The following CDH20 variants were observed in gnomAD, a reference collection of about 807,000 sequenced individuals.
CDH20 encodes the protein cadherin 20.
In CDH20, 29 loss-of-function variants were observed where a neutral mutation model predicts 74.2. The ratio of observed to expected loss-of-function variants is 0.39; its 90% confidence interval spans 0.29 to 0.53. The LOEUF (loss-of-function observed/expected upper bound fraction) is 0.53, where lower values mean the gene tolerates loss of function less well. Among genes scored for constraint, CDH20 ranks in the 20% least tolerant of loss-of-function variants. The pLI, the probability that CDH20 is intolerant of heterozygous loss-of-function variation, is 0.69. For missense variants in CDH20, 988 were observed against 1,048.3 expected (o/e 0.94, Z 0.79); for synonymous variants, 469 against 405.4 (o/e 1.16, Z -1.88).
rs139698719 is a variant in CDH20 at position 61,454,731 on chromosome 18, CTT to C, written c.-152-35670_-152-35669del. Among the ~76,000 whole-genome samples, 1,491 of 152,308 alleles carry C rather than the reference CTT, an allele frequency of 9.8e-3. 18 individuals carry two copies. Among genetic ancestry groups the C allele is most frequent in the African/African-American group, 0.033 (1,363 of 41,560 alleles). ...TTTATTATAAGCCACCTCCAATCAT[CTT>C]ATATATAGTTCAAGTAGACACAGTA... On this transcript the variant is annotated intron_variant, in intron 1 of 11. Coordinates refer to ENST00000262717, the MANE Select transcript of CDH20 (RefSeq NM_031891.4).
At chr18:61,449,184 A>G (rs1246003127) in intron 1 of CDH20, among the ~76,000 whole-genome samples, 1 of 152,200 alleles carries the variant, frequency 6.6e-6, no homozygotes, top group Non-Finnish European at 1.5e-5. Flanking sequence ...TCCAGCACAG[A>G]ACAATGTCTT....
chr18:61,474,871 G>A (rs28425707), intron 1 of CDH20, among the ~76,000 whole-genome samples: 1,970 of 152,162 alleles, frequency 0.013, 16 homozygotes, highest in Middle Eastern at 0.031. Flanking sequence ...GAAGGGCCGG[G>A]GAAAGGCATC....
At chr18:61,389,585 A>T (rs1448700094) in intron 1 of CDH20, among the ~76,000 whole-genome samples, 1 of 152,218 alleles carries the variant, frequency 6.6e-6, no homozygotes, top group Non-Finnish European at 1.5e-5. Flanking sequence ...TTTCAGCCCC[A>T]TAAAATTCAG....
At chr18:61,336,010 T>C (rs921057170) in intron 1 of CDH20, among the ~76,000 whole-genome samples, 2 of 152,170 alleles carry the variant, frequency 1.3e-5, no homozygotes, top group African/African-American at 4.8e-5. Context: ...CCTGTAAAAT[T>C]TTATGACCCA....
At chr18:61,474,805 A>C (rs1910309122) in intron 1 of CDH20, among the ~76,000 whole-genome samples, 1 of 152,170 alleles carries the variant, frequency 6.6e-6, no homozygotes, top group South Asian at 2.1e-4. Flanking sequence ...CAGGGGGCAC[A>C]GAAGACAGGC....
chr18:61,340,886 C>T (rs952368211), intron 1 of CDH20, among the ~76,000 whole-genome samples: 1 of 152,004 alleles, frequency 6.6e-6, no homozygotes, highest in Non-Finnish European at 1.5e-5. Flanking sequence ...GAAAGGGCTA[C>T]CAAATATATG....
intron 1 of CDH20, among the ~76,000 whole-genome samples, chr18:61,365,767 A>T (rs144098532): frequency 2.6e-5 from 4 of 152,298 alleles, no homozygotes; most frequent in Non-Finnish European, 4.4e-5. Context: ...TCTGGAATTC[A>T]TGGATTCTAC....
intron 1 of CDH20, among the ~76,000 whole-genome samples, chr18:61,357,045 A>C (rs570558567): frequency 6.6e-6 from 1 of 152,318 alleles, no homozygotes; most frequent in African/African-American, 2.4e-5. Context: ...ATACCAAGAT[A>C]CTTTTAGTAA....
chr18:61,400,274 C>G (rs1432500730), intron 1 of CDH20, among the ~76,000 whole-genome samples: 1 of 152,138 alleles, frequency 6.6e-6, no homozygotes, highest in Non-Finnish European at 1.5e-5. Flanking sequence ...TGGGGCCTCT[C>G]CAGCCTGCTA....
intron 1 of CDH20, among the ~76,000 whole-genome samples, chr18:61,357,567 G>T (rs1910534731): frequency 6.6e-6 from 1 of 152,176 alleles, no homozygotes; most frequent in Non-Finnish European, 1.5e-5. Flanking sequence ...CCAGGACTGT[G>T]TCTATATTCC....
At chr18:61,420,291 AT>A (rs1443935496) in intron 1 of CDH20, among the ~76,000 whole-genome samples, 2 of 151,480 alleles carry the variant, frequency 1.3e-5, no homozygotes, top group African/African-American at 4.8e-5. Context: ...GAATGTCTTC[AT>A]TCATGTCAAT....
chr18:61,451,710 G>T (rs948552158), intron 1 of CDH20, among the ~76,000 whole-genome samples: 4 of 151,736 alleles, frequency 2.6e-5, no homozygotes, highest in African/African-American at 9.7e-5. Flanking sequence ...AGCTCCATTT[G>T]TCAAATCATG....
At chr18:61,438,049 T>G (rs1405669368) in intron 1 of CDH20, among the ~76,000 whole-genome samples, 1 of 152,148 alleles carries the variant, frequency 6.6e-6, no homozygotes, top group Admixed American at 6.6e-5. Context: ...GGCTAGAAAG[T>G]GAGATCAATG....
chr18:61,388,426 C>T (rs1249164728), intron 1 of CDH20, among the ~76,000 whole-genome samples: 1 of 152,126 alleles, frequency 6.6e-6, no homozygotes, highest in African/African-American at 2.4e-5. Flanking sequence ...AAACTGATTT[C>T]TTATTTTACT....
At chr18:61,468,280 G>C (rs781560114) in intron 1 of CDH20, among the ~76,000 whole-genome samples, 1 of 152,122 alleles carries the variant, frequency 6.6e-6, no homozygotes, top group Non-Finnish European at 1.5e-5. Context: ...TGACAATCTT[G>C]ATAGCCAAGA....
intron 1 of CDH20, among the ~76,000 whole-genome samples, chr18:61,440,207 T>A (rs981564749): frequency 6.6e-6 from 1 of 152,172 alleles, no homozygotes; most frequent in African/African-American, 2.4e-5. Flanking sequence ...GCCATGTGAC[T>A]TTCCTTTCCC....
chr18:61,517,387 C>A (rs1362729524), intron 6 of CDH20, among the ~76,000 whole-genome samples: 1 of 152,154 alleles, frequency 6.6e-6, no homozygotes, highest in Non-Finnish European at 1.5e-5. Flanking sequence ...CTGAGGTACC[C>A]GGCTCATCTC....
At chr18:61,456,649 T>TA (rs574488237) in intron 1 of CDH20, among the ~76,000 whole-genome samples, 2,063 of 147,588 alleles carry the variant, frequency 0.014, 27 homozygotes, top group Non-Finnish European at 0.02. Context: ...CACTTTATCT[T>TA]AAAAAAAAAA....
At chr18:61,408,543 A>G (rs1481027616) in intron 1 of CDH20, among the ~76,000 whole-genome samples, 2 of 152,210 alleles carry the variant, frequency 1.3e-5, no homozygotes, top group Admixed American at 1.3e-4. Context: ...TTTTGACATT[A>G]TTCTTCATAG....
Sources: gnomAD v4.1 joint callset for allele counts (sites outside exome capture counted in the v4.1 genomes callset) on GRCh38, gnomAD v4.1.1 for gene constraint, MANE v1.5 for transcripts, NCBI Gene and HGNC (gene_info 2026-07-23, HGNC 2026-07-21) for gene names.